Variants in FMN2 observed in about 807,000 individuals in gnomAD.
FMN2 encodes the protein formin-2.
A neutral mutation model predicts 142.3 loss-of-function variants in FMN2; 51 were observed. The observed-to-expected ratio is 0.36, with a 90% CI of 0.29 to 0.45. The LOEUF is 0.45. Ranked by LOEUF, FMN2 falls within the 20% of genes least tolerant of loss-of-function variation. The pLI is 1.00. For missense variants in FMN2, 1,936 were observed against 2,122.8 expected (o/e 0.91, Z 1.73); for synonymous variants, 882 against 869.8 (o/e 1.01, Z -0.25).
chr1:240,133,684 C>A (rs1303252952), intron 2 of FMN2, among the ~76,000 whole-genome samples: 1 of 152,144 alleles, frequency 6.6e-6, no homozygotes, highest in South Asian at 2.1e-4. Context: ...CTTCTGCTCC[C>A]CACTATTATT....
At chr1:240,159,448 C>G (rs1283109447) in intron 2 of FMN2, among the ~76,000 whole-genome samples, 1 of 152,094 alleles carries the variant, frequency 6.6e-6, no homozygotes, top group Non-Finnish European at 1.5e-5. Context: ...CCCAGCAAAC[C>G]TGAGCCGTCA....
At chr1:240,098,867 C>G (rs186859763) in intron 1 of FMN2, among the ~76,000 whole-genome samples, 1 of 152,046 alleles carries the variant, frequency 6.6e-6, no homozygotes, top group Non-Finnish European at 1.5e-5. Context: ...ATAAGCCATG[C>G]GTATTTGAAA....
intron 14 of FMN2, among the ~76,000 whole-genome samples, chr1:240,357,411 A>G (rs941940899): frequency 1.3e-5 from 2 of 152,154 alleles, no homozygotes; most frequent in South Asian, 4.1e-4. Flanking sequence ...TTTGCAACAC[A>G]TTTGGAATTT....
intron 7 of FMN2, among the ~76,000 whole-genome samples, chr1:240,288,033 C>G (rs1669650762): frequency 6.6e-6 from 1 of 152,170 alleles, no homozygotes; most frequent in African/African-American, 2.4e-5. Context: ...TCAGAGTGAT[C>G]TCAAAGAAAG....
intron 6 of FMN2, among the ~76,000 whole-genome samples, chr1:240,231,507 G>A (rs185347218): frequency 5.3e-5 from 8 of 152,006 alleles, no homozygotes; most frequent in Admixed American, 2.0e-4. Context: ...TTATACCATC[G>A]GCTAAATTAG....
chr1:240,155,927 G>A (rs1664006183), intron 2 of FMN2, among the ~76,000 whole-genome samples: 1 of 149,114 alleles, frequency 6.7e-6, no homozygotes, highest in Non-Finnish European at 1.5e-5. Flanking sequence ...CTAAAACTTG[G>A]AATTTTTATA....
intron 8 of FMN2, among the ~76,000 whole-genome samples, chr1:240,316,031 T>C (rs1670769888): frequency 6.6e-6 from 1 of 152,204 alleles, no homozygotes; most frequent in Admixed American, 6.5e-5. Flanking sequence ...CGAGATCTTT[T>C]TTCCCCTCCA....
chr1:240,375,142 A>C lies in FMN2; in HGVS notation c.4859-17369A>C, dbSNP rs140258221. Among the ~76,000 whole-genome samples, 805 of 152,292 alleles carry C rather than the reference A, an allele frequency of 5.3e-3. 17 individuals carry two copies. Among genetic ancestry groups the C allele is most frequent in the African/African-American group, 0.019 (775 of 41,562 alleles). ...GAACAGTATTTATTGATTGTTTGCC[A>C]TCTTATGTGGGCATAGTTTGTGGTG... On this transcript the variant is annotated intron_variant, in intron 14 of 17. Coordinates refer to ENST00000319653, the MANE Select transcript of FMN2 (RefSeq NM_020066.5).
intron 2 of FMN2, among the ~76,000 whole-genome samples, chr1:240,156,026 C>T (rs990393850): frequency 1.3e-5 from 2 of 151,746 alleles, no homozygotes; most frequent in Non-Finnish European, 2.9e-5. Flanking sequence ...ATCCCTTGAG[C>T]CTAGGAGTTT....
chr1:240,419,118 AAAATAT>A (rs1244515910), intron 15 of FMN2, among the ~76,000 whole-genome samples: 12 of 152,356 alleles, frequency 7.9e-5, no homozygotes, highest in Non-Finnish European at 1.6e-4. Flanking sequence ...CAAAAAATAA[AAAATAT>A]AAATATAAAT....
intron 13 of FMN2, among the ~76,000 whole-genome samples, chr1:240,344,523 C>A (rs1671842892): frequency 6.6e-6 from 1 of 152,116 alleles, no homozygotes. Flanking sequence ...CTATTTAAAT[C>A]AACATTTTTC....
chr1:240,314,207 T>C (rs1358161431), intron 8 of FMN2, among the ~76,000 whole-genome samples: 1 of 151,906 alleles, frequency 6.6e-6, no homozygotes, highest in Non-Finnish European at 1.5e-5. Flanking sequence ...AGAAAACACA[T>C]CATAAGGCAC....
At chr1:240,195,450 A>T (rs943716184) in intron 4 of FMN2, among the ~76,000 whole-genome samples, 2 of 152,256 alleles carry the variant, frequency 1.3e-5, no homozygotes, top group African/African-American at 4.8e-5. Flanking sequence ...TGGCAAAAAC[A>T]CATGTCAGAT....
At chr1:240,333,045 G>A (rs1245904613) in intron 11 of FMN2, among the ~76,000 whole-genome samples, 2 of 152,042 alleles carry the variant, frequency 1.3e-5, no homozygotes, top group Non-Finnish European at 2.9e-5. Context: ...AAAAAATCGT[G>A]GTTATATTAA....
At chr1:240,469,640 G>T (rs908202927) in intron 16 of FMN2, among the ~76,000 whole-genome samples, 7 of 152,120 alleles carry the variant, frequency 4.6e-5, no homozygotes, top group African/African-American at 1.7e-4. Context: ...AAGTATAAAC[G>T]ATTAAGATGT....
At chr1:240,327,185 A>AGT (rs1671201101) in intron 8 of FMN2, among the ~76,000 whole-genome samples, 1 of 152,212 alleles carries the variant, frequency 6.6e-6, no homozygotes, top group African/African-American at 2.4e-5. Context: ...GGATATTTGC[A>AGT]GTGAAATGTA....
chr1:240,095,309 A>C (rs1404605544), intron 1 of FMN2, among the ~76,000 whole-genome samples: 1 of 152,076 alleles, frequency 6.6e-6, no homozygotes, highest in Non-Finnish European at 1.5e-5. Flanking sequence ...CTACTAGCAT[A>C]AGACTTTGGA....
Position 240,208,597 on chromosome 1 carries a change from T to G in FMN2, c.3785T>G (p.Phe1262Cys). The part of the protein sequence containing the change: ...STLPTPQVCG[F>C]LPPPLPSGLF... ...TTACCAACCCCACAGGTGTGTGGATTTCTTCCTCCTCCATTGCCAAGTGGC... is the reference window on the plus strand; with the variant it reads ...TTACCAACCCCACAGGTGTGTGGATGTCTTCCTCCTCCATTGCCAAGTGGC... The change falls in exon 5 of 18, where the codon TTT becomes TGT. Residue 1262 changes from phenylalanine (F) to cysteine (C), a missense_variant. Phe to Cys is a radical substitution (Grantham distance 205). Coordinates refer to ENST00000319653, the MANE Select transcript of FMN2 (RefSeq NM_020066.5). 6.2e-7 allele frequency: 1 copy of G among 1,613,808 alleles called. No homozygotes were observed. Among genetic ancestry groups the G allele is most frequent in the Non-Finnish European group, 8.5e-7 (1 of 1,179,998 alleles).
chr1:240,226,065 T>C (rs1250760324), intron 6 of FMN2, among the ~76,000 whole-genome samples: 1 of 152,036 alleles, frequency 6.6e-6, no homozygotes, highest in Non-Finnish European at 1.5e-5. Context: ...GGTACACCAC[T>C]AAGGGACCAG....
Sources: allele counts gnomAD v4.1 joint callset (sites outside exome capture counted in the v4.1 genomes callset), GRCh38; gene constraint gnomAD v4.1.1; transcripts MANE v1.5; gene names NCBI Gene and HGNC (gene_info 2026-07-23, HGNC 2026-07-21).